The following MDGA1 variants were observed in gnomAD, a reference collection of about 807,000 sequenced individuals.
The protein encoded by MDGA1 is MAM domain-containing glycosylphosphatidylinositol anchor protein 1.
MDGA1 carries 54 observed loss-of-function variants against 101.5 expected under a neutral mutation model. The ratio of observed to expected loss-of-function variants is 0.53; its 90% CI spans 0.43 to 0.67. The LOEUF (loss-of-function observed/expected upper bound fraction) is 0.67. Among genes scored for constraint, MDGA1 ranks in the 30% least tolerant of loss-of-function variants. The pLI is 0.00. For missense variants in MDGA1, 1,083 were observed against 1,323.8 expected (o/e 0.82, Z 2.82); for synonymous variants, 533 against 558.3 (o/e 0.95, Z 0.64).
chr6:37,643,911 G>A lies in MDGA1; in HGVS notation c.2434C>T (p.Arg812Trp), dbSNP rs756475699. 6.2e-6 allele frequency: 10 copies of A among 1,613,804 alleles called. No individual in the cohort carries two copies. Among genetic ancestry groups the A allele is most frequent in the East Asian group, 2.2e-5 (1 of 44,884 alleles). Residue 812 changes from arginine (R) to tryptophan (W), a missense_variant, in exon 14 of 17, where the codon CGG becomes TGG. Physicochemically the swap from Arg to Trp is moderately radical, Grantham distance 101 (BLOSUM62 -3). Around this residue, in one of 3 missense-constraint regions of MDGA1, gnomAD observed 657 missense variants for 771.4 expected, o/e 0.85. Coordinates refer to ENST00000434837, the MANE Select transcript of MDGA1 (RefSeq NM_153487.4). ...YYMFIETSRPRELGDRARLVS... is the reference protein window; with the variant it reads ...YYMFIETSRPWELGDRARLVS... ...AACCTTGCACGGTCCCCCAGCTCCC[G>A]AGGCCTCGATGTCTCGATGAACATG...
At chr6:37,671,520 G>A (rs912694192) in intron 1 of MDGA1, among the ~76,000 whole-genome samples, 9 of 152,194 alleles carry the variant, frequency 5.9e-5, no homozygotes, top group East Asian at 1.9e-4. Context: ...GAGCACAGCC[G>A]AGGCAGAATG....
chr6:37,678,974 C>CT (rs58809039), intron 1 of MDGA1, among the ~76,000 whole-genome samples: 1 of 151,922 alleles, frequency 6.6e-6, no homozygotes, highest in South Asian at 2.1e-4. Context: ...GATGAACAAT[C>CT]TTTTTTTTCA....
intron 9 of MDGA1, 106 bp downstream of exon 9, chr6:37,648,876 G>C: frequency 7.0e-7 from 1 of 1,436,392 alleles, no homozygotes; most frequent in East Asian, 2.8e-5. Flanking sequence ...GGGCTTCAAG[G>C]GGGCCAGCAG....
At chr6:37,657,023 G>A (rs1310606449) in intron 3 of MDGA1, among the ~76,000 whole-genome samples, 4 of 152,016 alleles carry the variant, frequency 2.6e-5, no homozygotes, top group Non-Finnish European at 4.4e-5. Flanking sequence ...ACTGGGAGGG[G>A]GCATGAAGGA....
chr6:37,663,028 C>T (rs369922051), intron 2 of MDGA1, among the ~76,000 whole-genome samples: 2 of 152,156 alleles, frequency 1.3e-5, no homozygotes, highest in African/African-American at 2.4e-5. Flanking sequence ...GTCTCAAGGC[C>T]GAACCTACTA....
chr6:37,640,096 T>A (rs1764028958), intron 14 of MDGA1, among the ~76,000 whole-genome samples: 1 of 152,166 alleles, frequency 6.6e-6, no homozygotes, highest in South Asian at 2.1e-4. Context: ...CGTTAAGGAC[T>A]CAGAGTTCAC....
chr6:37,652,086 A>G lies in MDGA1; in HGVS notation c.1237T>C (p.Tyr413His), dbSNP rs760835824. ...IDLHFSDYGTYLCMASFPGAP... is the reference protein window; with the variant it reads ...IDLHFSDYGTHLCMASFPGAP... ...CCTGGGAAAGAAGCCATGCACAGGT[A>G]GGTGCCATAGTCACTGAAGTGCAGG... The change falls in exon 7 of 17, where the codon TAC becomes CAC. Residue 413 changes from tyrosine (Y) to histidine (H), a missense_variant. Transcript: ENST00000434837. The surrounding 1 kb of genome is among the most constrained non-coding windows in gnomAD (Gnocchi z 4.3). The G allele has an allele frequency of 4.3e-6, 7 of 1,613,560 alleles. No homozygotes were observed. The highest frequency in any genetic ancestry group is 5.9e-6 in the Non-Finnish European group (7 of 1,179,854).
intron 1 of MDGA1, among the ~76,000 whole-genome samples, chr6:37,692,691 C>A (rs939779731): frequency 1.3e-5 from 2 of 152,008 alleles, no homozygotes; most frequent in Admixed American, 6.6e-5. Context: ...CCTTCCCCCC[C>A]AGCCTGTCCC....
intron 1 of MDGA1, among the ~76,000 whole-genome samples, chr6:37,689,447 A>G (rs1216497619): frequency 2.0e-5 from 3 of 152,190 alleles, no homozygotes; most frequent in Non-Finnish European, 4.4e-5. Context: ...CATTGTCACT[A>G]AAACTATTTA....
chr6:37,647,031 C>T (rs1180817915), intron 10 of MDGA1, 142 bp downstream of exon 10: 2 of 735,388 alleles, frequency 2.7e-6, no homozygotes, highest in Non-Finnish European at 4.4e-6. Flanking sequence ...AACTTTTCTC[C>T]CTGCCCCTGA....
At chr6:37,687,427 G>T (rs1762219595) in intron 1 of MDGA1, among the ~76,000 whole-genome samples, 1 of 149,474 alleles carries the variant, frequency 6.7e-6, no homozygotes, top group African/African-American at 2.5e-5. Flanking sequence ...AAGTTAGCCG[G>T]GCATGGTGGT....
At chr6:37,665,758 A>G (rs575313553) in intron 1 of MDGA1, among the ~76,000 whole-genome samples, 1 of 152,214 alleles carries the variant, frequency 6.6e-6, no homozygotes, top group South Asian at 2.1e-4. Context: ...CTTCTGTGTC[A>G]CCTTTTGACA....
chr6:37,654,940 G>T lies in MDGA1; in HGVS notation c.580-8C>A. 6.2e-7 allele frequency: 1 copy of T among 1,612,798 alleles called. No homozygotes were observed. The highest frequency in any genetic ancestry group is 8.5e-7 in the Non-Finnish European group (1 of 1,179,728). ...CAGGACCTTGGTCTCCCCCTGGGCA[G>T]CAGTGGACCACTGGGGTGAGGTGCC... is the stretch of plus-strand genomic sequence containing the variant. On this transcript the variant is annotated splice_polypyrimidine_tract_variant and splice_region_variant and intron_variant, in intron 4 of 16. Coordinates refer to ENST00000434837, the MANE Select transcript of MDGA1 (RefSeq NM_153487.4).
chr6:37,645,917 G>T lies in MDGA1; in HGVS notation c.2248+16C>A. The stretch of plus-strand genomic sequence containing the variant: ...CTAAAGGGAAGGGGAAGTCATGGGT[G>T]ACTGGGGAGTCTCACCTGAAAGGTT... On this transcript the variant is annotated intron_variant, in intron 12 of 16. Coordinates refer to ENST00000434837, the MANE Select transcript of MDGA1 (RefSeq NM_153487.4). The T allele has an allele frequency of 6.2e-7, 1 of 1,613,958 alleles. No individual in the cohort carries two copies. The highest frequency in any genetic ancestry group is 2.2e-5 in the East Asian group (1 of 44,892).
At chr6:37,654,767 AG>A (rs773423477) in intron 5 of MDGA1, 32 bp downstream of exon 5, 1 of 1,612,604 alleles carries the variant, frequency 6.2e-7, no homozygotes, top group South Asian at 1.1e-5. Flanking sequence ...TAGCTCAGGT[AG>A]GGAAGGAGTA....
At chr6:37,692,500 C>T (rs2114113914) in intron 1 of MDGA1, among the ~76,000 whole-genome samples, 1 of 152,070 alleles carries the variant, frequency 6.6e-6, no homozygotes, top group African/African-American at 2.4e-5. Context: ...CACATTCCTG[C>T]CTCTGTCTCA....
At chr6:37,676,770 G>T (rs533204896) in intron 1 of MDGA1, among the ~76,000 whole-genome samples, 1 of 152,166 alleles carries the variant, frequency 6.6e-6, no homozygotes, top group Non-Finnish European at 1.5e-5. Flanking sequence ...GGTGGCTTGT[G>T]CCTGTAATCC....
At chr6:37,662,177 A>G (rs1005430947) in intron 2 of MDGA1, among the ~76,000 whole-genome samples, 1 of 136,306 alleles carries the variant, frequency 7.3e-6, no homozygotes. Flanking sequence ...AAAAAAAAAA[A>G]TAGATGGGAG....
Position 37,689,980 on chromosome 6 carries a change from C to A in MDGA1, c.67+6765G>T, listed in dbSNP as rs1030111429. Among the ~76,000 whole-genome samples the A allele has an allele frequency of 2.0e-5, 3 of 152,158 alleles. No homozygotes were observed. The East Asian group carries it at 5.8e-4, about 29-fold the overall frequency. On this transcript the variant is annotated intron_variant, in intron 1 of 16. Transcript: ENST00000434837. ...TCTCTGCTCAAAACCCTGCCATGGT[C>A]CCCTATCTCATGCAGAACAAAATCC...
Sources: allele counts gnomAD v4.1 joint callset (sites outside exome capture counted in the v4.1 genomes callset), GRCh38; gene constraint gnomAD v4.1.1; regional missense constraint gnomAD v4.1.1; non-coding constraint Gnocchi (gnomAD v3.1); transcripts MANE v1.5; gene names NCBI Gene and HGNC (gene_info 2026-07-23, HGNC 2026-07-21).